Variants in NRG3 observed in about 807,000 individuals in gnomAD.
The protein encoded by NRG3 is neuregulin 3.
In NRG3, 31 loss-of-function variants were observed where a neutral mutation model predicts 66.9. That is an observed-to-expected ratio of 0.46 (90% CI 0.35 to 0.63). The LOEUF is 0.63. Ranked by LOEUF, NRG3 falls within the 20% of genes least tolerant of loss-of-function variation. The pLI is 0.00. For synonymous variants in NRG3, 393 were observed against 359.4 expected, an observed-to-expected ratio of 1.09 and a Z score of -1.06; for missense variants, 910 against 878.9, an observed-to-expected ratio of 1.04 and a Z score of -0.45.
chr10:82,483,356 C>G (rs770463413), intron 2 of NRG3, among the ~76,000 whole-genome samples: 4 of 152,232 alleles, frequency 2.6e-5, no homozygotes, highest in East Asian at 3.8e-4. Context: ...AAGGGTCCAG[C>G]AACTTCTGAC....
At chr10:82,960,066 A>C (rs1592097450) in intron 6 of NRG3, among the ~76,000 whole-genome samples, 1 of 152,230 alleles carries the variant, frequency 6.6e-6, no homozygotes, top group Non-Finnish European at 1.5e-5. Flanking sequence ...CAAATGCTTC[A>C]ATCACTGGAA....
At chr10:82,558,867 C>T (rs775938885) in intron 2 of NRG3, among the ~76,000 whole-genome samples, 10 of 152,026 alleles carry the variant, frequency 6.6e-5, no homozygotes, top group Non-Finnish European at 1.5e-4. Context: ...ATATAGTCTT[C>T]CATGTTTTTG....
chr10:82,332,958 T>G (rs2082209391), intron 1 of NRG3, among the ~76,000 whole-genome samples: 1 of 152,196 alleles, frequency 6.6e-6, no homozygotes, highest in Non-Finnish European at 1.5e-5. Context: ...AAAAGAATGT[T>G]TTTCTACTTA....
chr10:82,375,732 C>T (rs371581024), intron 2 of NRG3, among the ~76,000 whole-genome samples: 12 of 152,240 alleles, frequency 7.9e-5, no homozygotes, highest in East Asian at 7.7e-4. Context: ...AATATCTTAG[C>T]TCCAGTGGAC....
chr10:82,215,699 C>T (rs75016756), intron 1 of NRG3, among the ~76,000 whole-genome samples: 2,074 of 152,272 alleles, frequency 0.014, 45 homozygotes, highest in African/African-American at 0.047. Context: ...CTGTTGACAA[C>T]ACTATTGACC....
intron 2 of NRG3, among the ~76,000 whole-genome samples, chr10:82,516,404 G>C (rs967383148): frequency 6.6e-6 from 1 of 152,072 alleles, no homozygotes; most frequent in African/African-American, 2.4e-5. Context: ...AGACTTTGAT[G>C]GTTGGTGGAG....
intron 2 of NRG3, among the ~76,000 whole-genome samples, chr10:82,407,793 G>A (rs1457680096): frequency 1.3e-5 from 2 of 152,008 alleles, no homozygotes; most frequent in African/African-American, 2.4e-5. Context: ...AATATAGGCC[G>A]GGTGTGGTGG....
intron 1 of NRG3, among the ~76,000 whole-genome samples, chr10:82,177,339 A>G (rs2073108570): frequency 1.3e-5 from 2 of 152,150 alleles, no homozygotes; most frequent in African/African-American, 4.8e-5. Context: ...AATTAATCAT[A>G]AACATAGGAA....
intron 1 of NRG3, among the ~76,000 whole-genome samples, chr10:81,883,223 T>C (rs1842336063): frequency 6.6e-6 from 1 of 152,222 alleles, no homozygotes; most frequent in Non-Finnish European, 1.5e-5. Flanking sequence ...AAGGAGCTCT[T>C]TTAAAGATAC....
chr10:82,380,125 G>A (rs1008952498), intron 2 of NRG3, among the ~76,000 whole-genome samples: 1 of 151,882 alleles, frequency 6.6e-6, no homozygotes, highest in Non-Finnish European at 1.5e-5. Flanking sequence ...CTAAAAAAAA[G>A]ACATGTTTTA....
intron 2 of NRG3, among the ~76,000 whole-genome samples, chr10:82,393,029 A>G (rs2086488789): frequency 6.6e-6 from 1 of 151,300 alleles, no homozygotes; most frequent in Non-Finnish European, 1.5e-5. Flanking sequence ...ACCTTTCTGC[A>G]GGAATGGGTT....
intron 1 of NRG3, among the ~76,000 whole-genome samples, chr10:82,102,732 C>A (rs2066834963): frequency 6.6e-6 from 1 of 151,104 alleles, no homozygotes; most frequent in African/African-American, 2.5e-5. Context: ...AAAGTTAATA[C>A]CTTTTTTTAC....
At chr10:81,986,989 A>G (rs953869635) in intron 1 of NRG3, among the ~76,000 whole-genome samples, 4 of 152,150 alleles carry the variant, frequency 2.6e-5, no homozygotes, top group Non-Finnish European at 5.9e-5. Flanking sequence ...CTACTATTGC[A>G]TAGTTACAGC....
intron 2 of NRG3, among the ~76,000 whole-genome samples, chr10:82,730,762 T>C (rs2057860335): frequency 6.6e-6 from 1 of 152,156 alleles, no homozygotes. Flanking sequence ...TGTCACAAAA[T>C]TCTCCATAGT....
intron 2 of NRG3, among the ~76,000 whole-genome samples, chr10:82,453,168 C>A (rs1564938024): frequency 6.6e-6 from 1 of 151,940 alleles, no homozygotes; most frequent in Non-Finnish European, 1.5e-5. Flanking sequence ...ATTATATACA[C>A]AAAAAACATG....
chr10:82,158,342 G>T (rs1269568451), intron 1 of NRG3, among the ~76,000 whole-genome samples: 1 of 151,656 alleles, frequency 6.6e-6, no homozygotes, highest in African/African-American at 2.4e-5. Context: ...CTAAATGTTT[G>T]AATATTTTGG....
chr10:82,109,095 T>C lies in NRG3; in HGVS notation c.823+232932T>C, dbSNP rs150912517. ...GGCACACAGATGGGATTGATGCACA[T>C]TTCTTGAATAAAAGAACCAATTATA... On this transcript the variant is annotated intron_variant, in intron 1 of 8. Transcript: ENST00000372141. Among the ~76,000 whole-genome samples, 391 of 152,294 alleles carry C rather than the reference T, an allele frequency of 2.6e-3. 1 individual carries two copies. The highest frequency in any genetic ancestry group is 8.9e-3 in the African/African-American group (368 of 41,556).
At chr10:82,717,807 A>C (rs189762184) in intron 2 of NRG3, among the ~76,000 whole-genome samples, 1 of 152,050 alleles carries the variant, frequency 6.6e-6, no homozygotes, top group Admixed American at 6.5e-5. Flanking sequence ...TAACACTCCC[A>C]GTGGCAGAGA....
chr10:82,897,783 G>C (rs1843806631), intron 4 of NRG3, among the ~76,000 whole-genome samples: 1 of 152,124 alleles, frequency 6.6e-6, no homozygotes, highest in Non-Finnish European at 1.5e-5. Flanking sequence ...GCCTCCCAAA[G>C]TGCCGGGATT....
Sources: allele counts gnomAD v4.1 joint callset (sites outside exome capture counted in the v4.1 genomes callset), GRCh38; gene constraint gnomAD v4.1.1; transcripts MANE v1.5; gene names NCBI Gene and HGNC (gene_info 2026-07-23, HGNC 2026-07-21).